EVA1C: variants seen among roughly 807,000 people sequenced by gnomAD.
The protein encoded by EVA1C is protein eva-1 homolog C.
EVA1C carries 25 observed loss-of-function variants against 45.4 expected under a neutral mutation model. The observed-to-expected ratio is 0.55, with a 90% CI of 0.40 to 0.77. EVA1C has a LOEUF of 0.77. Among genes scored for constraint, EVA1C ranks in the 30% least tolerant of loss-of-function variants. EVA1C has a pLI of 0.00. For missense variants in EVA1C, 479 were observed against 554.8 expected (o/e 0.86, Z 1.37); for synonymous variants, 190 against 221.2 (o/e 0.86, Z 1.25).
intron 1 of EVA1C, chr21:32,428,231 G>T (rs76888278): frequency 0.13 from 20,307 of 152,110 alleles, 1,510 homozygotes; most frequent in East Asian, 0.24. Flanking sequence ...CCCATCCTCA[G>T]CAAAACAACC....
At chr21:32,502,055 CTTTCTTTCTTT>C (rs1568950041) in intron 6 of EVA1C, among the ~76,000 whole-genome samples, 8 of 115,196 alleles carry the variant, frequency 6.9e-5, no homozygotes, top group African/African-American at 2.2e-4. Flanking sequence ...TTTCTTTCTT[CTTTCTTTCTTT>C]CTTCTGTCTT....
intron 4 of EVA1C, among the ~76,000 whole-genome samples, chr21:32,487,285 T>A (rs4817494): frequency 0.19 from 29,509 of 151,906 alleles, 2,978 homozygotes; most frequent in East Asian, 0.26. Flanking sequence ...CTCCCCAAGC[T>A]GGAGAGAGAG....
At chr21:32,425,162 C>CAAAA (rs2034440320) in intron 1 of EVA1C, among the ~76,000 whole-genome samples, 1 of 151,252 alleles carries the variant, frequency 6.6e-6, no homozygotes, top group Non-Finnish European at 1.5e-5. Flanking sequence ...AACAAACAAA[C>CAAAA]AAACAAACAA....
At position 32,515,048 on chromosome 21, in the gene EVA1C, G is replaced by A. The variant is rs1053248789; in HGVS notation, c.1184G>A (p.Arg395Lys). Residue 395 changes from arginine (R) to lysine (K), a missense_variant, in exon 8 of 8, where the codon AGG becomes AAG. Physicochemically the swap from Arg to Lys is conservative, Grantham distance 26. Transcript: ENST00000300255. ...CCAGGGGAACTGTCGGGGTTCTGTAGGACTTCATATCCTATATACAGTTCC... is the reference window on the plus strand; with the variant it reads ...CCAGGGGAACTGTCGGGGTTCTGTAAGACTTCATATCCTATATACAGTTCC... ...DFPGELSGFC[R>K]TSYPIYSSIE... 1.9e-6 allele frequency: 3 copies of A among 1,614,052 alleles called. No homozygotes were observed. The highest frequency in any genetic ancestry group is 2.7e-5 in the African/African-American group (2 of 74,914).
intron 4 of EVA1C, among the ~76,000 whole-genome samples, chr21:32,468,555 C>G (rs1361527286): frequency 2.0e-5 from 3 of 151,944 alleles, no homozygotes; most frequent in African/African-American, 7.3e-5. Context: ...ACAGGTCCCA[C>G]TATAGACTGT....
intron 7 of EVA1C, among the ~76,000 whole-genome samples, chr21:32,512,901 A>C (rs543428005): frequency 6.6e-6 from 1 of 152,074 alleles, no homozygotes; most frequent in African/African-American, 2.4e-5. Flanking sequence ...AAAGGAGGGA[A>C]ATTCAAAGGG....
At chr21:32,424,262 A>T (rs2034404376) in intron 1 of EVA1C, among the ~76,000 whole-genome samples, 1 of 152,140 alleles carries the variant, frequency 6.6e-6, no homozygotes, top group Non-Finnish European at 1.5e-5. Context: ...CGAAATTCTC[A>T]GGCTTAGAAA....
At chr21:32,420,941 T>G (rs879835770) in intron 1 of EVA1C, among the ~76,000 whole-genome samples, 1 of 152,236 alleles carries the variant, frequency 6.6e-6, no homozygotes, top group Non-Finnish European at 1.5e-5. Flanking sequence ...TCTGTCATGT[T>G]TATCTCTTCA....
chr21:32,509,004 A>C (rs2037862420), intron 7 of EVA1C, among the ~76,000 whole-genome samples: 1 of 152,264 alleles, frequency 6.6e-6, no homozygotes, highest in African/African-American at 2.4e-5. Flanking sequence ...TTGTTTTTCC[A>C]GAATACGGAA....
At chr21:32,499,209 GA>G (rs2037448896) in intron 5 of EVA1C, among the ~76,000 whole-genome samples, 1 of 152,240 alleles carries the variant, frequency 6.6e-6, no homozygotes, top group Admixed American at 6.5e-5. Context: ...AACAAGCCAA[GA>G]GGCAGACATG....
chr21:32,430,968 G>T (rs2034677023), intron 1 of EVA1C, among the ~76,000 whole-genome samples: 1 of 35,632 alleles, frequency 2.8e-5, no homozygotes, highest in African/African-American at 7.0e-4. Flanking sequence ...GTGAGACTTG[G>T]TCTCAAAAAA....
intron 1 of EVA1C, among the ~76,000 whole-genome samples, chr21:32,428,178 C>T (rs1322208362): frequency 6.6e-6 from 1 of 152,190 alleles, no homozygotes; most frequent in African/African-American, 2.4e-5. Context: ...GTGGAGGCGA[C>T]TTTCTGCTCA....
At chr21:32,514,781 C>T in intron 7 of EVA1C, 33 bp from the exon 8 acceptor site, 2 of 1,507,698 alleles carry the variant, frequency 1.3e-6, no homozygotes, top group Non-Finnish European at 1.8e-6. Context: ...GCCAGCTCCT[C>T]CCAGCTCCTG....
At chr21:32,432,491 C>T (rs1206018623) in intron 1 of EVA1C, among the ~76,000 whole-genome samples, 1 of 152,010 alleles carries the variant, frequency 6.6e-6, no homozygotes, top group Non-Finnish European at 1.5e-5. Flanking sequence ...TTGCTCCTGG[C>T]ATTAGGATGA....
chr21:32,470,724 G>A (rs531189639), intron 4 of EVA1C, among the ~76,000 whole-genome samples: 1 of 151,830 alleles, frequency 6.6e-6, no homozygotes, highest in South Asian at 2.1e-4. Flanking sequence ...TCCCCACAGT[G>A]GCCTCAGCTA....
chr21:32,509,426 G>C (rs1222722873), intron 7 of EVA1C, among the ~76,000 whole-genome samples: 1 of 152,210 alleles, frequency 6.6e-6, no homozygotes, highest in Non-Finnish European at 1.5e-5. Flanking sequence ...AGCTCTCCTG[G>C]CAGGAGAACC....
At chr21:32,493,454 G>T (rs1035622398) in intron 4 of EVA1C, among the ~76,000 whole-genome samples, 1 of 151,928 alleles carries the variant, frequency 6.6e-6, no homozygotes, top group African/African-American at 2.4e-5. Context: ...TGGTCGCCCC[G>T]CCTACTCCCG....
chr21:32,457,507 C>A, intron 2 of EVA1C, 90 bp from the exon 3 acceptor site: 1 of 1,545,572 alleles, frequency 6.5e-7, no homozygotes, highest in Non-Finnish European at 8.9e-7. Context: ...GCGTCCTTCC[C>A]TTTGCAGAGC....
intron 5 of EVA1C, among the ~76,000 whole-genome samples, chr21:32,500,109 T>C (rs1190655098): frequency 6.6e-6 from 1 of 151,598 alleles, no homozygotes; most frequent in East Asian, 1.9e-4. Context: ...GCTGGGAGAG[T>C]TTGATGGTGG....
Sources: gnomAD v4.1 joint callset for allele counts (sites outside exome capture counted in the v4.1 genomes callset) on GRCh38, gnomAD v4.1.1 for gene constraint, MANE v1.5 for transcripts, NCBI Gene and HGNC (gene_info 2026-07-23, HGNC 2026-07-21) for gene names.